Variants in ZC3H12B observed in about 807,000 individuals in gnomAD.
The protein encoded by ZC3H12B is probable ribonuclease ZC3H12B.
A neutral mutation model predicts 43.9 loss-of-function variants in ZC3H12B; 7 were observed. That is an observed-to-expected ratio of 0.16 (90% confidence interval 0.09 to 0.30). The LOEUF is 0.30. ZC3H12B is among the 10% of genes least tolerant of loss of function. The pLI, the probability that ZC3H12B is intolerant of heterozygous loss-of-function variation, is 1.00. For missense variants in ZC3H12B, 475 were observed against 670.2 expected, an observed-to-expected ratio of 0.71 and a Z score of 3.22; for synonymous variants, 222 against 241.7, an observed-to-expected ratio of 0.92 and a Z score of 0.76.
At chrX:65,216,063 G>A in the ZC3H12B span, among the ~76,000 whole-genome samples, 3 of 111,091 alleles carry the variant, frequency 2.7e-5, no homozygotes, top group Admixed American at 1.9e-4. Flanking sequence ...GAAGAAGGCA[G>A]AGCAGCATGG....
At chrX:65,193,934 G>A in the ZC3H12B span, among the ~76,000 whole-genome samples, 1 of 111,275 alleles carries the variant, frequency 9.0e-6, no homozygotes, top group African/African-American at 3.3e-5. Flanking sequence ...TGCTTCTGAG[G>A]CAGCCTCAGG....
upstream of ZC3H12B, among the ~76,000 whole-genome samples, chrX:65,364,391 T>C (rs2147967775): frequency 1.0e-5 from 1 of 98,462 alleles, no homozygotes; most frequent in African/African-American, 3.8e-5. Flanking sequence ...AAAACTCTTC[T>C]CAAGGTAGCT....
chrX:65,474,744 G>A (rs1370386869), intron 3 of ZC3H12B, among the ~76,000 whole-genome samples: 1 of 111,407 alleles, frequency 9.0e-6, no homozygotes, highest in Admixed American at 9.6e-5. Context: ...CCAAGTAGCT[G>A]GGATTATAGG....
At chrX:65,218,536 T>C in the ZC3H12B span, among the ~76,000 whole-genome samples, 7 of 111,181 alleles carry the variant, frequency 6.3e-5, no homozygotes, top group African/African-American at 2.3e-4. Context: ...GTGAGGCCTG[T>C]GGCTGCTGGC....
At chrX:65,158,509 T>C in the ZC3H12B span, among the ~76,000 whole-genome samples, 8 of 112,333 alleles carry the variant, frequency 7.1e-5, no homozygotes, top group African/African-American at 2.3e-4. Flanking sequence ...GATTTGCATT[T>C]CTCTGATGGC....
chrX:65,041,144 CTCTT>C, the ZC3H12B span, among the ~76,000 whole-genome samples: 1 of 112,481 alleles, frequency 8.9e-6, no homozygotes, highest in South Asian at 3.7e-4. Context: ...GTTCAGCAAA[CTCTT>C]TATTCAAAAA....
the ZC3H12B span, among the ~76,000 whole-genome samples, chrX:65,261,973 G>A: frequency 1.8e-5 from 2 of 110,257 alleles, no homozygotes; most frequent in East Asian, 5.7e-4. Context: ...TTTTTGGTCT[G>A]TCAGTCTTTG....
At chrX:65,461,047 A>G (rs1445201771) in intron 3 of ZC3H12B, among the ~76,000 whole-genome samples, 8 of 112,009 alleles carry the variant, frequency 7.1e-5, no homozygotes, top group Non-Finnish European at 1.5e-4. Flanking sequence ...TGGGCAAAGG[A>G]TATGAACAGA....
At chrX:65,470,081 G>A (rs1482987906) in intron 3 of ZC3H12B, 2 of 116,471 alleles carry the variant, frequency 1.7e-5, no homozygotes, top group Non-Finnish European at 3.7e-5. Flanking sequence ...CCGACTCCCC[G>A]CACCTGAAGA....
At chrX:65,448,516 G>C (rs761549260) in intron 3 of ZC3H12B, among the ~76,000 whole-genome samples, 1 of 111,395 alleles carries the variant, frequency 9.0e-6, no homozygotes, top group Admixed American at 9.6e-5. Flanking sequence ...CAACAAATGT[G>C]TGGATAAAGA....
the ZC3H12B span, among the ~76,000 whole-genome samples, chrX:65,249,862 A>C: frequency 1.1e-5 from 1 of 88,748 alleles, no homozygotes; most frequent in East Asian, 3.4e-4. Flanking sequence ...TTGATTCTCC[A>C]CTTGGTTGTT....
chrX:65,254,096 G>T, the ZC3H12B span, among the ~76,000 whole-genome samples: 1 of 111,795 alleles, frequency 8.9e-6, no homozygotes, highest in East Asian at 2.8e-4. Flanking sequence ...GCCAGTGTGG[G>T]CACACGAATG....
the ZC3H12B span, among the ~76,000 whole-genome samples, chrX:65,282,678 G>A: frequency 9.0e-6 from 1 of 111,669 alleles, no homozygotes; most frequent in African/African-American, 3.3e-5. Context: ...ACTACCATCA[G>A]AGAATGCTAT....
intron 3 of ZC3H12B, 101 bp from the exon 9 acceptor site, chrX:65,499,782 C>A: frequency 1.6e-6 from 1 of 625,215 alleles, no homozygotes; most frequent in Non-Finnish European, 2.6e-6. Flanking sequence ...AATTAGAAGG[C>A]TGTGACAACA....
chrX:65,386,088 G>T (rs185154560), intron 2 of ZC3H12B, among the ~76,000 whole-genome samples: 5 of 111,748 alleles, frequency 4.5e-5, no homozygotes, highest in Admixed American at 9.5e-5. Flanking sequence ...TTCATCAGGG[G>T]TATTGGTCTA....
chrX:65,407,098 G>C (rs67269728), intron 3 of ZC3H12B, among the ~76,000 whole-genome samples: 27,149 of 112,368 alleles, frequency 0.24, 7,704 homozygotes, highest in African/African-American at 0.83. Context: ...AGGAAGAAAA[G>C]AAAGAAGACC....
intron 3 of ZC3H12B, among the ~76,000 whole-genome samples, chrX:65,459,216 T>C (rs1273454374): frequency 8.9e-6 from 1 of 111,803 alleles, no homozygotes; most frequent in African/African-American, 3.3e-5. Context: ...CAATAATTAA[T>C]AGCTTACCAA....
At chrX:65,328,076 A>G in the ZC3H12B span, 457 of 258,102 alleles carry the variant, frequency 1.8e-3, 3 homozygotes, top group African/African-American at 0.012. Flanking sequence ...CAGGTACTTT[A>G]GGAAATAAGG....
the ZC3H12B span, among the ~76,000 whole-genome samples, chrX:65,300,084 G>A: frequency 8.9e-6 from 1 of 112,427 alleles, no homozygotes; most frequent in East Asian, 2.8e-4. Context: ...ATTGGAGAAA[G>A]AGCACAGGGA....
Sources: allele counts gnomAD v4.1 joint callset (sites outside exome capture counted in the v4.1 genomes callset), GRCh38; gene constraint gnomAD v4.1.1; transcripts MANE v1.5; gene names NCBI Gene and HGNC (gene_info 2026-07-23, HGNC 2026-07-21).